The following AKAP13 variants were observed in gnomAD, a reference collection of about 807,000 sequenced individuals.
The protein encoded by AKAP13 is A-kinase anchor protein 13.
AKAP13 carries 80 observed loss-of-function variants against 264.5 expected under a neutral mutation model. The ratio of observed to expected loss-of-function variants is 0.30; its 90% CI spans 0.25 to 0.36. AKAP13 has a LOEUF of 0.36. AKAP13 is among the 10% of genes least tolerant of loss of function. AKAP13 has a pLI of 1.00. For synonymous variants in AKAP13, 1,380 were observed against 1,250.2 expected (o/e 1.10, Z -2.19); for missense variants, 3,712 against 3,435.2 (o/e 1.08, Z -2.01).
chr15:85,454,538 A>C (rs1424600953), intron 1 of AKAP13, among the ~76,000 whole-genome samples: 2 of 151,920 alleles, frequency 1.3e-5, no homozygotes, highest in Non-Finnish European at 2.9e-5. Context: ...TGGATGTTTC[A>C]GTTGAAGGTG....
At chr15:85,688,207 A>G (rs904868958) in intron 16 of AKAP13, among the ~76,000 whole-genome samples, 2 of 152,200 alleles carry the variant, frequency 1.3e-5, no homozygotes, top group Non-Finnish European at 2.9e-5. Context: ...TTTTCTTAAC[A>G]TAGTGATGCT....
intron 1 of AKAP13, among the ~76,000 whole-genome samples, chr15:85,428,429 C>A (rs2072889438): frequency 6.6e-6 from 1 of 152,148 alleles, no homozygotes; most frequent in Non-Finnish European, 1.5e-5. Context: ...AAACCCTCCA[C>A]CTTAGGTGAT....
chr15:85,404,874 A>G (rs181672807), intron 1 of AKAP13, among the ~76,000 whole-genome samples: 1 of 152,146 alleles, frequency 6.6e-6, no homozygotes, highest in Non-Finnish European at 1.5e-5. Flanking sequence ...CTTTAAAGTT[A>G]TTTTGCCTTC....
chr15:85,639,190 T>C (rs1368313802), intron 8 of AKAP13, among the ~76,000 whole-genome samples, 184 bp from the exon 9 acceptor site: 1 of 152,174 alleles, frequency 6.6e-6, no homozygotes, highest in Admixed American at 6.5e-5. Context: ...CCTCTAAAGA[T>C]CCTTGAGTAT....
chr15:85,639,322 T>G, intron 8 of AKAP13, 52 bp from the exon 9 acceptor site: 1 of 1,333,732 alleles, frequency 7.5e-7, no homozygotes, highest in Non-Finnish European at 1.1e-6. Context: ...ACCTGTAAAA[T>G]TATCTCACAT....
In AKAP13 at chr15:85,504,164, C is replaced by T. The variant is rs369170018; in HGVS notation, c.34-17264C>T. Among the ~76,000 whole-genome samples the T allele has an allele frequency of 6.1e-4, 93 of 152,058 alleles. 6 individuals are homozygous for T. Among genetic ancestry groups the T allele is most frequent in the Non-Finnish European group, 4.4e-5 (3 of 67,998 alleles). ...ATAACCAAGAAAGCTAGGTGAATAA[C>T]TGTAAGATATAGGTGAGAGCAGAAG... On this transcript the variant is annotated intron_variant, in intron 2 of 36. Transcript: ENST00000394518.
At chr15:85,593,750 A>ATCTGAGTC (rs1567145229) in intron 8 of AKAP13, among the ~76,000 whole-genome samples, 1 of 152,088 alleles carries the variant, frequency 6.6e-6, no homozygotes, top group Non-Finnish European at 1.5e-5. Context: ...AAATAACTGT[A>ATCTGAGTC]TCTGAGTCTT....
intron 2 of AKAP13, among the ~76,000 whole-genome samples, chr15:85,490,773 ACAGAAGGT>A (rs1009024858): frequency 6.6e-6 from 1 of 152,200 alleles, no homozygotes; most frequent in Non-Finnish European, 1.5e-5. Flanking sequence ...CATGAACAAA[ACAGAAGGT>A]CCCTGCTCTC....
intron 12 of AKAP13, among the ~76,000 whole-genome samples, chr15:85,658,831 A>G (rs2083214434): frequency 6.6e-6 from 1 of 151,932 alleles, no homozygotes; most frequent in Non-Finnish European, 1.5e-5. Flanking sequence ...ATTTTTTTAA[A>G]TCTTGTGCTT....
intron 1 of AKAP13, among the ~76,000 whole-genome samples, chr15:85,411,260 G>C (rs896859164): frequency 6.6e-6 from 1 of 152,212 alleles, no homozygotes; most frequent in Non-Finnish European, 1.5e-5. Context: ...AATAATGCCA[G>C]TTCCACTTAA....
rs1489780019 is a variant in AKAP13 at position 85,381,799 on chromosome 15, A to G, written c.-12+1001A>G. On this transcript the variant is annotated intron_variant, in intron 1 of 36. Coordinates refer to ENST00000394518, the MANE Select transcript of AKAP13 (RefSeq NM_007200.5). ...GAGTTTATTGCTTCAGTACAGTAAA[A>G]ACCAGTGTGCCTTTTTTTTTGTTAG... 2.6e-5 allele frequency: 4 copies of G among 152,082 alleles called. No individual in the cohort carries two copies. The East Asian group carries it at 7.7e-4, about 29-fold the overall frequency. 9.4% of individuals were successfully genotyped at this position (152,082 alleles called of 1,614,324 possible).
At chr15:85,467,671 GA>G (rs1291346364) in intron 1 of AKAP13, among the ~76,000 whole-genome samples, 2 of 152,080 alleles carry the variant, frequency 1.3e-5, no homozygotes, top group Non-Finnish European at 2.9e-5. Context: ...TATCTACTTT[GA>G]AGGAAAAGAC....
intron 1 of AKAP13, among the ~76,000 whole-genome samples, chr15:85,437,267 C>A (rs1414355402): frequency 1.5e-4 from 22 of 150,380 alleles, no homozygotes; most frequent in Non-Finnish European, 2.8e-4. Context: ...AAGACTAAAC[C>A]AGGAAGAAGT....
At chr15:85,704,633 C>T (rs2086125797) in intron 17 of AKAP13, among the ~76,000 whole-genome samples, 1 of 152,150 alleles carries the variant, frequency 6.6e-6, no homozygotes, top group Admixed American at 6.5e-5. Context: ...AACCACTGTG[C>T]TGAGACCTTT....
intron 3 of AKAP13, among the ~76,000 whole-genome samples, chr15:85,532,399 G>A (rs1015183029): frequency 6.6e-6 from 1 of 152,260 alleles, no homozygotes; most frequent in Non-Finnish European, 1.5e-5. Context: ...CAGGGACCAT[G>A]TAGAGGGTTT....
chr15:85,693,212 G>A, intron 16 of AKAP13, 65 bp from the exon 17 acceptor site: 1 of 1,453,618 alleles, frequency 6.9e-7, no homozygotes, highest in Non-Finnish European at 9.0e-7. Flanking sequence ...CCATCTGGGT[G>A]CCCAGGTAAG....
chr15:85,386,455 A>G (rs190786268), intron 1 of AKAP13, among the ~76,000 whole-genome samples: 5 of 151,852 alleles, frequency 3.3e-5, no homozygotes, highest in Admixed American at 3.3e-4. Flanking sequence ...CACCATGCCT[A>G]ATTTTTGTAT....
intron 1 of AKAP13, among the ~76,000 whole-genome samples, chr15:85,426,654 G>A (rs1443015339): frequency 6.6e-6 from 1 of 152,132 alleles, no homozygotes; most frequent in African/African-American, 2.4e-5. Context: ...GATGGTATGT[G>A]ATAGTTGTTG....
chr15:85,561,880 A>G (rs971691234), intron 5 of AKAP13, among the ~76,000 whole-genome samples: 8 of 152,216 alleles, frequency 5.3e-5, no homozygotes, highest in Non-Finnish European at 1.0e-4. Flanking sequence ...GAACTTGCAC[A>G]CTAGTCTCTC....
Sources: allele counts gnomAD v4.1 joint callset (sites outside exome capture counted in the v4.1 genomes callset), GRCh38; gene constraint gnomAD v4.1.1; transcripts MANE v1.5; gene names NCBI Gene and HGNC (gene_info 2026-07-23, HGNC 2026-07-21).